CYFIP2: variants seen among roughly 807,000 people sequenced by gnomAD.
CYFIP2 encodes cytoplasmic FMR1-interacting protein 2.
Under a neutral mutation model 158.7 loss-of-function variants are expected in CYFIP2, and 29 were observed. The ratio of observed to expected loss-of-function variants is 0.18; its 90% CI spans 0.14 to 0.25. CYFIP2 has a LOEUF of 0.25. Among genes scored for constraint, CYFIP2 ranks in the 10% least tolerant of loss-of-function variants. The pLI is 1.00. For synonymous variants in CYFIP2, 585 were observed against 617.6 expected, an observed-to-expected ratio of 0.95 and a Z score of 0.78; for missense variants, 852 against 1,639.5, an observed-to-expected ratio of 0.52 and a Z score of 8.29.
Position 157,379,587 on chromosome 5 carries a change from C to T in CYFIP2, c.3040-3003C>T, listed in dbSNP as rs542191664. On this transcript the variant is annotated intron_variant, in intron 26 of 30. Transcript: ENST00000620254. ...TCAGGAGGCTGAGATGGGAGGATCACCTAAACCCAGAAGGTCAAGACTAGT... is the reference window on the plus strand; with the variant it reads ...TCAGGAGGCTGAGATGGGAGGATCATCTAAACCCAGAAGGTCAAGACTAGT... 2.1e-5 allele frequency among the ~76,000 whole-genome samples: 3 copies of T among 141,018 alleles called. No individual in the cohort carries two copies. The South Asian group carries it at 7.0e-4, about 33-fold the overall frequency. The allele number at this position is 141,018 out of a possible 152,430, so 92.5% of individuals were successfully genotyped here. A position where few individuals can be genotyped will look rare whatever the true frequency, so the allele number is the denominator to read the frequency against.
intron 13 of CYFIP2, 82 bp from the exon 14 acceptor site, chr5:157,319,680 T>TC: frequency 6.5e-7 from 1 of 1,533,226 alleles, no homozygotes; most frequent in Non-Finnish European, 8.8e-7. Flanking sequence ...ACTCCCCGCC[T>TC]CCCCTGGCAG....
intron 15 of CYFIP2, among the ~76,000 whole-genome samples, chr5:157,321,669 G>T (rs1422798371): frequency 6.6e-6 from 1 of 152,156 alleles, no homozygotes; most frequent in Non-Finnish European, 1.5e-5. Context: ...TCTGTTCTCA[G>T]TCACCCAAGA....
intron 26 of CYFIP2, among the ~76,000 whole-genome samples, chr5:157,373,865 C>T (rs908861100): frequency 6.6e-6 from 1 of 152,100 alleles, no homozygotes; most frequent in Admixed American, 6.5e-5. Context: ...AATTTATCTG[C>T]ATTTTCTAAT....
At chr5:157,285,100 C>T (rs1253270656) in intron 1 of CYFIP2, among the ~76,000 whole-genome samples, 1 of 152,136 alleles carries the variant, frequency 6.6e-6, no homozygotes, top group Non-Finnish European at 1.5e-5. Flanking sequence ...CCATGTTGAT[C>T]ACAGAGGGTG....
At chr5:157,330,915 T>C (rs913692523) in intron 20 of CYFIP2, 65 bp downstream of exon 20, 29 of 1,299,290 alleles carry the variant, frequency 2.2e-5, no homozygotes, top group Non-Finnish European at 2.7e-5. Context: ...GAAGTTAGCA[T>C]AGAGATCAGA....
At chr5:157,364,663 C>T (rs1017521851) in intron 26 of CYFIP2, 4 of 152,202 alleles carry the variant, frequency 2.6e-5, no homozygotes, top group African/African-American at 9.7e-5. Flanking sequence ...CTGAAGTCCT[C>T]ATTCTGCTTT....
At chr5:157,272,344 C>T (rs1317843028) in intron 1 of CYFIP2, among the ~76,000 whole-genome samples, 2 of 152,208 alleles carry the variant, frequency 1.3e-5, no homozygotes, top group African/African-American at 4.8e-5. Flanking sequence ...CCAGTCAGTG[C>T]TGGGTACCGG....
chr5:157,339,864 C>T (rs1197126847), intron 22 of CYFIP2, among the ~76,000 whole-genome samples: 1 of 152,198 alleles, frequency 6.6e-6, no homozygotes, highest in African/African-American at 2.4e-5. Flanking sequence ...GAGGGTAAAA[C>T]TAGTCGGGTG....
chr5:157,303,748 G>A (rs557858887), intron 7 of CYFIP2, among the ~76,000 whole-genome samples: 1 of 152,070 alleles, frequency 6.6e-6, no homozygotes, highest in Non-Finnish European at 1.5e-5. Flanking sequence ...AGGGCCTAGG[G>A]TGGGGACCTC....
intron 26 of CYFIP2, among the ~76,000 whole-genome samples, chr5:157,378,200 A>G (rs1460091171): frequency 1.3e-5 from 2 of 152,214 alleles, no homozygotes; most frequent in Non-Finnish European, 2.9e-5. Flanking sequence ...GATTTATAAA[A>G]ATTAGTCCAT....
chr5:157,361,514 C>T lies in CYFIP2; in HGVS notation c.2955C>T (p.Tyr985=), dbSNP rs377070210. ...FHHQLKDIIE[Y]AELKTDVFQS... ...ACCAGCTGAAGGACATCATTGAGTA[C>T]GCAGAGCTCAAAACAGACGTGTTCC... Residue 985 remains tyrosine, a synonymous_variant, in exon 26 of 31, where the codon TAC becomes TAT. Transcript: ENST00000620254. The surrounding 1 kb of genome is among the most constrained non-coding windows in gnomAD (Gnocchi z 4.4). 80 of 1,613,932 alleles carry T rather than the reference C, an allele frequency of 5.0e-5. 1 individual carries two copies. Among genetic ancestry groups the T allele is most frequent in the East Asian group, 3.3e-4 (15 of 44,892 alleles).
chr5:157,271,956 C>T (rs1158758200), intron 1 of CYFIP2, among the ~76,000 whole-genome samples: 1 of 152,206 alleles, frequency 6.6e-6, no homozygotes, highest in Non-Finnish European at 1.5e-5. Context: ...CCCAGGGCCC[C>T]AGCAGGAGCA....
chr5:157,379,652 G>C (rs1765841058), intron 26 of CYFIP2, among the ~76,000 whole-genome samples: 1 of 106,752 alleles, frequency 9.4e-6, no homozygotes, highest in Non-Finnish European at 1.7e-5. Flanking sequence ...CCAGGCAAGG[G>C]AGCAAGACCC....
intron 26 of CYFIP2, chr5:157,365,594 C>G (rs1380038630): frequency 6.6e-6 from 1 of 151,996 alleles, no homozygotes; most frequent in Non-Finnish European, 1.5e-5. Context: ...AAGTGTACAG[C>G]TTGATGAAGG....
rs371599878 is a variant in CYFIP2, at chr5:157,281,935, A to G, written c.-23-3404A>G. Reference sequence around the variant, plus strand: ...CATCTGCAGCCCCCTCTCCTGGGTAAATGAGTGCATGCTCTCCATACCATG... The same window carrying G: ...CATCTGCAGCCCCCTCTCCTGGGTAGATGAGTGCATGCTCTCCATACCATG... On this transcript the variant is annotated intron_variant, in intron 1 of 30. Coordinates refer to ENST00000620254, the MANE Select transcript of CYFIP2 (RefSeq NM_001037333.3). Among the ~76,000 whole-genome samples, 78 of 152,136 alleles carry G rather than the reference A, an allele frequency of 5.1e-4. 1 individual carries two copies. The South Asian group carries it at 0.016, about 31-fold the overall frequency.
intron 18 of CYFIP2, among the ~76,000 whole-genome samples, chr5:157,327,304 C>G (rs941192555): frequency 2.6e-5 from 4 of 152,196 alleles, no homozygotes; most frequent in Admixed American, 2.0e-4. Flanking sequence ...GTGGCTCATG[C>G]CTGTAATCCT....
At chr5:157,367,850 G>A (rs561447737) in intron 26 of CYFIP2, among the ~76,000 whole-genome samples, 9 of 150,734 alleles carry the variant, frequency 6.0e-5, no homozygotes, top group South Asian at 4.2e-4. Context: ...CGCCTCCCAG[G>A]TTCAAGCAAT....
chr5:157,368,438 A>G (rs1022656615), intron 26 of CYFIP2, among the ~76,000 whole-genome samples: 8 of 147,022 alleles, frequency 5.4e-5, no homozygotes, highest in Non-Finnish European at 9.3e-5. Context: ...ACTCTGAGGG[A>G]AAAAAAACTC....
At chr5:157,326,414 TA>T in intron 18 of CYFIP2, 147 bp downstream of exon 18, 1 of 706,314 alleles carries the variant, frequency 1.4e-6, no homozygotes, top group Non-Finnish European at 2.4e-6. Flanking sequence ...AAGGCCTGTG[TA>T]ACCTCTGAGG....
Sources: allele counts gnomAD v4.1 joint callset (sites outside exome capture counted in the v4.1 genomes callset), GRCh38; gene constraint gnomAD v4.1.1; non-coding constraint Gnocchi (gnomAD v3.1); transcripts MANE v1.5; gene names NCBI Gene and HGNC (gene_info 2026-07-23, HGNC 2026-07-21).